The following PRKAR2B variants were observed in gnomAD, a reference collection of about 807,000 sequenced individuals.
The protein encoded by PRKAR2B is protein kinase cAMP-dependent type II regulatory subunit beta.
Under a neutral mutation model 49.9 loss-of-function variants are expected in PRKAR2B, and 14 were observed. The ratio of observed to expected loss-of-function variants is 0.28; its 90% CI spans 0.19 to 0.44. PRKAR2B has a LOEUF of 0.44. Among genes scored for constraint, PRKAR2B ranks in the 20% least tolerant of loss-of-function variants. The pLI is 1.00. For missense variants in PRKAR2B, 393 were observed against 537.9 expected (o/e 0.73, Z 2.67); for synonymous variants, 196 against 197.7 (o/e 0.99, Z 0.07).
At chr7:107,153,525 A>G (rs1275287232) in intron 8 of PRKAR2B, among the ~76,000 whole-genome samples, 1 of 152,236 alleles carries the variant, frequency 6.6e-6, no homozygotes, top group Non-Finnish European at 1.5e-5. Flanking sequence ...AGGAAAAAAC[A>G]GGTGAATGTT....
At chr7:107,104,873 G>A (rs1281012237) in intron 2 of PRKAR2B, among the ~76,000 whole-genome samples, 2 of 152,158 alleles carry the variant, frequency 1.3e-5, no homozygotes, top group African/African-American at 4.8e-5. Context: ...AGAATTAGGA[G>A]CTATTGGAGC....
At chr7:107,071,164 A>G (rs1794266481) in intron 2 of PRKAR2B, among the ~76,000 whole-genome samples, 1 of 152,250 alleles carries the variant, frequency 6.6e-6, no homozygotes, top group African/African-American at 2.4e-5. Context: ...CTCTTTAAGT[A>G]TACCTGGAAA....
chr7:107,122,238 A>C (rs1193552857), intron 3 of PRKAR2B, among the ~76,000 whole-genome samples: 1 of 152,136 alleles, frequency 6.6e-6, no homozygotes, highest in Non-Finnish European at 1.5e-5. Flanking sequence ...GGTGATGAAA[A>C]GTGTTTTCAG....
chr7:107,095,003 C>T (rs772356780), intron 2 of PRKAR2B, among the ~76,000 whole-genome samples: 1 of 152,102 alleles, frequency 6.6e-6, no homozygotes, highest in Non-Finnish European at 1.5e-5. Flanking sequence ...TTTTTTGGCT[C>T]CACATGAACT....
chr7:107,094,936 G>A (rs1050128909), intron 2 of PRKAR2B, among the ~76,000 whole-genome samples: 4 of 152,176 alleles, frequency 2.6e-5, no homozygotes, highest in Non-Finnish European at 2.9e-5. Context: ...AAGTCAGGTA[G>A]CATGATGCCT....
At chr7:107,154,111 C>A (rs1414688423) in intron 8 of PRKAR2B, among the ~76,000 whole-genome samples, 1 of 151,972 alleles carries the variant, frequency 6.6e-6, no homozygotes, top group Non-Finnish European at 1.5e-5. Context: ...TTAGAGCAGT[C>A]AGGGATTGGG....
chr7:107,083,149 T>A (rs903528812), intron 2 of PRKAR2B, among the ~76,000 whole-genome samples: 1 of 150,304 alleles, frequency 6.7e-6, no homozygotes, highest in South Asian at 2.1e-4. Context: ...GAGGCTGAGG[T>A]GAGACGATCC....
At chr7:107,118,869 T>C (rs1289517466) in intron 2 of PRKAR2B, among the ~76,000 whole-genome samples, 1 of 152,172 alleles carries the variant, frequency 6.6e-6, no homozygotes, top group African/African-American at 2.4e-5. Flanking sequence ...ATACTTTATT[T>C]TGATTTGGCT....
chr7:107,045,722 C>CA (rs1260227495), intron 1 of PRKAR2B, among the ~76,000 whole-genome samples: 5 of 152,208 alleles, frequency 3.3e-5, no homozygotes, highest in Non-Finnish European at 1.5e-5. Flanking sequence ...AAATTGGACT[C>CA]ACTGGGGCAG....
intron 1 of PRKAR2B, among the ~76,000 whole-genome samples, chr7:107,049,476 T>C (rs994437207): frequency 6.6e-6 from 1 of 152,226 alleles, no homozygotes; most frequent in African/African-American, 2.4e-5. Context: ...CTCTGTCCCA[T>C]GTCCAGTCTT....
intron 1 of PRKAR2B, among the ~76,000 whole-genome samples, chr7:107,056,828 C>G (rs1381892738): frequency 6.6e-6 from 1 of 152,172 alleles, no homozygotes; most frequent in African/African-American, 2.4e-5. Context: ...AGTTCAGTCT[C>G]ATAGATTTGG....
At chr7:107,142,286 T>C (rs1456474444) in intron 5 of PRKAR2B, among the ~76,000 whole-genome samples, 3 of 152,166 alleles carry the variant, frequency 2.0e-5, no homozygotes, top group Non-Finnish European at 4.4e-5. Context: ...GATTCTCCCA[T>C]TCCCTCATCC....
chr7:107,113,652 C>A (rs1309188035), intron 2 of PRKAR2B, among the ~76,000 whole-genome samples: 2 of 152,122 alleles, frequency 1.3e-5, no homozygotes. Context: ...CCGAATTATT[C>A]TTCTCGCTCT....
At chr7:107,142,382 G>A (rs1045554553) in intron 5 of PRKAR2B, among the ~76,000 whole-genome samples, 4 of 152,056 alleles carry the variant, frequency 2.6e-5, no homozygotes, top group Non-Finnish European at 5.9e-5. Flanking sequence ...TCAAAGTAAT[G>A]ATTTTTATAT....
At chr7:107,054,864 A>G (rs1003087496) in intron 1 of PRKAR2B, among the ~76,000 whole-genome samples, 14 of 152,284 alleles carry the variant, frequency 9.2e-5, no homozygotes, top group African/African-American at 3.4e-4. Context: ...CACAACGTGC[A>G]GGTTTGTTAC....
intron 2 of PRKAR2B, among the ~76,000 whole-genome samples, chr7:107,071,747 G>T (rs1246430405): frequency 6.6e-6 from 1 of 152,122 alleles, no homozygotes; most frequent in Non-Finnish European, 1.5e-5. Context: ...TTCTGGGCAC[G>T]TTCCATTAGT....
chr7:107,116,409 C>G lies in PRKAR2B; in HGVS notation c.344-5543C>G, dbSNP rs1584436787. On this transcript the variant is annotated intron_variant, in intron 2 of 10. Transcript: ENST00000265717. ...TGGCACTGATGTTATCATGATCATT[C>G]TATTTCTGTCTTGATTTCTAGACTG... is the stretch of plus-strand genomic sequence containing the variant. 3.9e-5 allele frequency among the ~76,000 whole-genome samples: 6 copies of G among 152,212 alleles called. No individual in the cohort carries two copies. The South Asian group carries it at 1.2e-3, about 32-fold the overall frequency.
intron 6 of PRKAR2B, 55 bp downstream of exon 6, chr7:107,146,516 C>A: frequency 1.3e-6 from 2 of 1,538,704 alleles, no homozygotes; most frequent in Non-Finnish European, 1.8e-6. Context: ...ATTGCTATGA[C>A]GGTGTTACAA....
At chr7:107,057,065 C>G (rs898428439) in intron 1 of PRKAR2B, among the ~76,000 whole-genome samples, 1 of 152,188 alleles carries the variant, frequency 6.6e-6, no homozygotes. Context: ...CCTGCTTTGT[C>G]CATTTCCATC....
Sources: gnomAD v4.1 joint callset for allele counts (sites outside exome capture counted in the v4.1 genomes callset) on GRCh38, gnomAD v4.1.1 for gene constraint, MANE v1.5 for transcripts, NCBI Gene and HGNC (gene_info 2026-07-23, HGNC 2026-07-21) for gene names.